Variants in METAP1D observed in about 807,000 individuals in gnomAD.
METAP1D encodes methionine aminopeptidase 1D, mitochondrial.
A neutral mutation model predicts 40.5 loss-of-function variants in METAP1D; 31 were observed. The ratio of observed to expected loss-of-function variants is 0.77; its 90% confidence interval spans 0.58 to 1.03. METAP1D has a LOEUF of 1.03. METAP1D is among the 50% of genes least tolerant of loss of function. The pLI, the probability that METAP1D is intolerant of heterozygous loss-of-function variation, is 0.00. For missense variants in METAP1D, 411 were observed against 420.7 expected, an observed-to-expected ratio of 0.98 and a Z score of 0.20; for synonymous variants, 151 against 146.4, an observed-to-expected ratio of 1.03 and a Z score of -0.22.
intron 1 of METAP1D, among the ~76,000 whole-genome samples, chr2:172,043,003 ATATGTG>A (rs1559008620): frequency 1.0e-5 from 1 of 100,244 alleles, no homozygotes; most frequent in Non-Finnish European, 2.7e-5. Flanking sequence ...GTGTACACAT[ATATGTG>A]TATGTGTACA....
At chr2:172,061,378 TC>T in intron 1 of METAP1D, 119 bp from the exon 2 acceptor site, 1 of 838,942 alleles carries the variant, frequency 1.2e-6, no homozygotes, top group Non-Finnish European at 1.8e-6. Flanking sequence ...TTGGGGCTTT[TC>T]CTTTTTCAGT....
intron 1 of METAP1D, among the ~76,000 whole-genome samples, chr2:172,051,160 C>T (rs1341869016): frequency 6.6e-6 from 1 of 152,114 alleles, no homozygotes; most frequent in South Asian, 2.1e-4. Flanking sequence ...TTCTATGTAA[C>T]TTCTACTTAT....
intron 6 of METAP1D, among the ~76,000 whole-genome samples, chr2:172,073,268 C>T (rs1690465341): frequency 6.6e-6 from 1 of 152,100 alleles, no homozygotes; most frequent in African/African-American, 2.4e-5. Context: ...CACCAACATG[C>T]AGGTGAACTC....
intron 1 of METAP1D, among the ~76,000 whole-genome samples, chr2:172,047,934 G>A (rs1689798203): frequency 6.6e-6 from 1 of 152,142 alleles, no homozygotes; most frequent in Non-Finnish European, 1.5e-5. Context: ...GATGTAGGAA[G>A]GAATTTTCCT....
At chr2:172,065,533 T>C in intron 3 of METAP1D, 71 bp from the exon 4 acceptor site, 1 of 1,474,914 alleles carries the variant, frequency 6.8e-7, no homozygotes, top group South Asian at 1.2e-5. Flanking sequence ...GTACTGTTGC[T>C]ATAGCATAGT....
chr2:172,011,984 A>G lies in METAP1D; in HGVS notation c.40+11975A>G, dbSNP rs561534302. ...CAAGACAACGTTTATTAAGTACTGA[A>G]ATATTCCTTTATGAAAGTTAACTCT... On this transcript the variant is annotated intron_variant, in intron 1 of 9. Transcript: ENST00000315796. Among the ~76,000 whole-genome samples the G allele has an allele frequency of 3.3e-5, 5 of 152,334 alleles. 2 individuals carry two copies. Among genetic ancestry groups the G allele is most frequent in the African/African-American group, 1.2e-4 (5 of 41,568 alleles).
At chr2:172,000,489 T>A (rs1370391187) in intron 1 of METAP1D, among the ~76,000 whole-genome samples, 1 of 152,234 alleles carries the variant, frequency 6.6e-6, no homozygotes, top group Non-Finnish European at 1.5e-5. Flanking sequence ...AAAGGATGTC[T>A]GGGTAGTTCT....
In METAP1D at chr2:172,071,006, A is replaced by C. The variant is rs1208211777; in HGVS notation, c.640A>C (p.Arg214=). 1 of 1,613,346 alleles carries C rather than the reference A, an allele frequency of 6.2e-7. No individual in the cohort carries two copies. The highest frequency in any genetic ancestry group is 2.2e-5 in the East Asian group (1 of 44,850). ...GTTAGTGGAGGTTGCCAGGAGGTGT[A>C]GAGATGAAGCAATTGCAGCTTGCAG... ...KKLVEVARRC[R]DEAIAACRAG... is the part of the protein sequence containing the mutation. Residue 214 remains arginine, a synonymous_variant, in exon 6 of 10, where the codon AGA becomes CGA. Coordinates refer to ENST00000315796, the MANE Select transcript of METAP1D (RefSeq NM_199227.3).
chr2:172,022,957 C>G (rs1045950411), intron 1 of METAP1D, among the ~76,000 whole-genome samples: 1 of 152,050 alleles, frequency 6.6e-6, no homozygotes, highest in East Asian at 1.9e-4. Context: ...GAGGCCGAGG[C>G]GGGCTGATCA....
intron 4 of METAP1D, among the ~76,000 whole-genome samples, chr2:172,065,956 A>G (rs998043623): frequency 1.3e-5 from 2 of 152,206 alleles, no homozygotes; most frequent in Non-Finnish European, 2.9e-5. Flanking sequence ...AGCAGTGCAT[A>G]ATCTAAATGG....
chr2:172,073,857 C>A (rs904911359), intron 6 of METAP1D, among the ~76,000 whole-genome samples: 1 of 152,196 alleles, frequency 6.6e-6, no homozygotes, highest in Non-Finnish European at 1.5e-5. Context: ...TTTGCGTAGC[C>A]TCTCTCTACT....
Position 172,065,763 on chromosome 2 carries a change from C to T in METAP1D, c.497+11C>T. On this transcript the variant is annotated intron_variant, in intron 4 of 9. Transcript: ENST00000315796. ...TGGTATTCCTGACAGGTATTCAGTT[C>T]TTAATAACATATTGTTCCTTTGGAA... 6.2e-7 allele frequency: 1 copy of T among 1,611,312 alleles called. No individual in the cohort carries two copies. Among genetic ancestry groups the T allele is most frequent in the Non-Finnish European group, 8.5e-7 (1 of 1,178,972 alleles).
At position 172,061,622 on chromosome 2, in the gene METAP1D, G is replaced by A. The variant is rs149714087; in HGVS notation, c.165G>A (p.Pro55=). The change falls in exon 2 of 10, where the codon CCG becomes CCA. Residue 55 remains proline (P), a synonymous_variant. Transcript: ENST00000315796. ...ATATTTCACACAGTATAGTTTTGCCGGCTGCAGTTTCTTCAGCTCATCCGG... is the reference window on the plus strand; with the variant it reads ...ATATTTCACACAGTATAGTTTTGCCAGCTGCAGTTTCTTCAGCTCATCCGG... The part of the protein sequence containing the change: ...QRDISHSIVL[P]AAVSSAHPVP... The A allele has an allele frequency of 2.4e-3, 3,853 of 1,612,442 alleles. 8 individuals carry two copies. The highest frequency in any genetic ancestry group is 2.9e-3 in the Non-Finnish European group (3,386 of 1,179,364).
Position 172,080,349 on chromosome 2 carries a change from G to A in METAP1D, c.951G>A (p.Thr317=). The change falls in exon 10 of 10, where the codon ACG becomes ACA. Residue 317 remains threonine (T), a synonymous_variant. Transcript: ENST00000315796. ...ACAGGTCGGCGCAGTTCGAGCACAC[G>A]GTTCTGATCACGTCGAGGGGCGCGC... ...DNQRSAQFEH[T]VLITSRGAQI... 6.2e-7 allele frequency: 1 copy of A among 1,614,090 alleles called. No homozygotes were observed. Among genetic ancestry groups the A allele is most frequent in the Non-Finnish European group, 8.5e-7 (1 of 1,179,918 alleles).
intron 1 of METAP1D, among the ~76,000 whole-genome samples, chr2:172,026,613 G>T (rs952891058): frequency 3.3e-5 from 5 of 152,158 alleles, no homozygotes; most frequent in Non-Finnish European, 5.9e-5. Context: ...TAGACATTCT[G>T]TTTGCTGTAG....
chr2:172,021,985 C>T (rs1390425321), intron 1 of METAP1D: 1 of 152,218 alleles, frequency 6.6e-6, no homozygotes, highest in South Asian at 2.1e-4. Flanking sequence ...AGTTTGCATC[C>T]TGAAGAAAGA....
At chr2:172,048,950 G>T (rs1275465507) in intron 1 of METAP1D, among the ~76,000 whole-genome samples, 3 of 151,934 alleles carry the variant, frequency 2.0e-5, no homozygotes, top group Middle Eastern at 3.2e-3. Context: ...TTGGTGGTTG[G>T]GGTGGTTTTA....
At chr2:172,059,073 C>T (rs1381878937) in intron 1 of METAP1D, among the ~76,000 whole-genome samples, 1 of 151,826 alleles carries the variant, frequency 6.6e-6, no homozygotes, top group East Asian at 1.9e-4. Context: ...ATACGGGGCC[C>T]AAGAATTTGC....
chr2:172,057,241 G>A (rs1318600092), intron 1 of METAP1D, among the ~76,000 whole-genome samples: 2 of 152,150 alleles, frequency 1.3e-5, no homozygotes, highest in Admixed American at 6.5e-5. Flanking sequence ...AGAGCACCTA[G>A]CACTGAGCTT....
Sources: gnomAD v4.1 joint callset for allele counts (sites outside exome capture counted in the v4.1 genomes callset) on GRCh38, gnomAD v4.1.1 for gene constraint, MANE v1.5 for transcripts, NCBI Gene and HGNC (gene_info 2026-07-23, HGNC 2026-07-21) for gene names.